Variants in PCDH15 observed in about 807,000 individuals in gnomAD.
PCDH15 encodes protocadherin related 15.
Under a neutral mutation model 178.5 loss-of-function variants are expected in PCDH15, and 129 were observed. That is an observed-to-expected ratio of 0.72 (90% confidence interval 0.63 to 0.84). The LOEUF is 0.84. Ranked by LOEUF, PCDH15 falls within the 40% of genes least tolerant of loss-of-function variation. The probability of loss-of-function intolerance (pLI) is 0.00; values close to 1 mark genes in which losing one functional copy is unlikely to be tolerated. For missense variants in PCDH15, 2,230 were observed against 2,099.9 expected (o/e 1.06, Z -1.21); for synonymous variants, 800 against 732.0 (o/e 1.09, Z -1.50).
chr10:54,446,084 A>G (rs936616922), intron 3 of PCDH15, among the ~76,000 whole-genome samples: 2 of 151,522 alleles, frequency 1.3e-5, no homozygotes, highest in African/African-American at 4.8e-5. Flanking sequence ...TTAAAAGTAA[A>G]AAGCCTTCAT....
intron 2 of PCDH15, among the ~76,000 whole-genome samples, chr10:55,118,610 A>G (rs997597352): frequency 5.9e-5 from 9 of 152,196 alleles, no homozygotes; most frequent in African/African-American, 2.2e-4. Context: ...GAGGTTGAAA[A>G]CCACCATTTT....
intron 8 of PCDH15, among the ~76,000 whole-genome samples, chr10:54,306,394 T>C (rs2060472021): frequency 6.6e-6 from 1 of 151,998 alleles, no homozygotes; most frequent in Non-Finnish European, 1.5e-5. Flanking sequence ...AACTGGCTCA[T>C]GTGATTGTGG....
chr10:55,545,518 C>T (rs1239823771), intron 2 of PCDH15, among the ~76,000 whole-genome samples: 1 of 151,518 alleles, frequency 6.6e-6, no homozygotes, highest in African/African-American at 2.4e-5. Context: ...TCAGGTGATC[C>T]GCCCGCCTCA....
chr10:54,668,478 T>A (rs1296648231), intron 1 of PCDH15, among the ~76,000 whole-genome samples: 2 of 152,124 alleles, frequency 1.3e-5, no homozygotes, highest in African/African-American at 2.4e-5. Context: ...CCTGACAGCA[T>A]CCTTGATGGT....
intron 2 of PCDH15, among the ~76,000 whole-genome samples, chr10:54,928,721 A>G (rs1372228148): frequency 6.6e-6 from 1 of 152,102 alleles, no homozygotes; most frequent in African/African-American, 2.4e-5. Context: ...CTATTCTGCT[A>G]CTAATATTTG....
At chr10:54,357,451 T>C (rs985678080) in intron 5 of PCDH15, among the ~76,000 whole-genome samples, 1 of 152,068 alleles carries the variant, frequency 6.6e-6, no homozygotes, top group African/African-American at 2.4e-5. Context: ...GAATCCAACT[T>C]ACAAGGGATG....
chr10:54,429,614 T>A (rs1956717160), intron 3 of PCDH15, among the ~76,000 whole-genome samples: 1 of 152,010 alleles, frequency 6.6e-6, no homozygotes, highest in Admixed American at 6.5e-5. Context: ...AAGACACACA[T>A]CGACTGAAAG....
chr10:54,065,040 G>A (rs1425781656), intron 18 of PCDH15, among the ~76,000 whole-genome samples: 1 of 152,118 alleles, frequency 6.6e-6, no homozygotes, highest in African/African-American at 2.4e-5. Flanking sequence ...CTCCAGATGG[G>A]CCACTGCTGC....
At chr10:53,874,793 CACTG>C (rs2080107748) in intron 26 of PCDH15, among the ~76,000 whole-genome samples, 1 of 151,626 alleles carries the variant, frequency 6.6e-6, no homozygotes, top group Non-Finnish European at 1.5e-5. Flanking sequence ...AATTAGTAGA[CACTG>C]AATATAAAGC....
chr10:55,621,449 C>T (rs2132171024), intron 2 of PCDH15, among the ~76,000 whole-genome samples: 1 of 152,314 alleles, frequency 6.6e-6, no homozygotes, highest in Middle Eastern at 3.4e-3. Flanking sequence ...TGTTCATGGC[C>T]TGTTAGGAAC....
chr10:53,911,761 G>A (rs1040619674), intron 25 of PCDH15, among the ~76,000 whole-genome samples: 5 of 152,122 alleles, frequency 3.3e-5, no homozygotes, highest in Non-Finnish European at 7.3e-5. Flanking sequence ...TTGAATCTCT[G>A]AATAGACCAA....
intron 18 of PCDH15, among the ~76,000 whole-genome samples, chr10:54,030,985 A>T (rs888801205): frequency 6.6e-6 from 1 of 152,056 alleles, no homozygotes; most frequent in African/African-American, 2.4e-5. Context: ...TATGAAGCTC[A>T]TGTGGTGCAA....
intron 2 of PCDH15, among the ~76,000 whole-genome samples, chr10:55,586,463 C>T (rs1842728917): frequency 6.6e-6 from 1 of 152,070 alleles, no homozygotes; most frequent in Non-Finnish European, 1.5e-5. Flanking sequence ...ATTTCAAGTA[C>T]TTAACTTTCT....
intron 3 of PCDH15, among the ~76,000 whole-genome samples, chr10:54,855,692 G>A (rs575269333): frequency 6.6e-6 from 1 of 152,246 alleles, no homozygotes; most frequent in East Asian, 1.9e-4. Flanking sequence ...AATTTAAAAT[G>A]TTATTCTAGG....
At chr10:55,441,660 C>T (rs1839188366) in intron 2 of PCDH15, among the ~76,000 whole-genome samples, 1 of 152,098 alleles carries the variant, frequency 6.6e-6, no homozygotes, top group African/African-American at 2.4e-5. Context: ...ATAATCCTAA[C>T]AACATTTTAA....
At chr10:54,509,505 T>G (rs1160438653) in intron 3 of PCDH15, among the ~76,000 whole-genome samples, 2 of 152,132 alleles carry the variant, frequency 1.3e-5, no homozygotes, top group Non-Finnish European at 2.9e-5. Flanking sequence ...TAGCAAGTAT[T>G]GATTGTACAG....
intron 1 of PCDH15, among the ~76,000 whole-genome samples, chr10:55,268,328 C>A (rs1013198180): frequency 6.6e-6 from 1 of 152,234 alleles, no homozygotes; most frequent in South Asian, 2.1e-4. Context: ...ACCAACCCCA[C>A]ATATGTACAC....
intron 23 of PCDH15, among the ~76,000 whole-genome samples, chr10:53,945,837 G>GTA (rs56389905): frequency 0.03 from 3,481 of 117,364 alleles, 83 homozygotes; most frequent in Non-Finnish European, 0.042. Context: ...ATATTTCATT[G>GTA]TATATATATA....
At chr10:55,062,282 C>G (rs1841452415) in intron 2 of PCDH15, among the ~76,000 whole-genome samples, 1 of 152,162 alleles carries the variant, frequency 6.6e-6, no homozygotes, top group Non-Finnish European at 1.5e-5. Context: ...AGAAAGTACT[C>G]TCTATGAATC....
Sources: allele counts gnomAD v4.1 joint callset (sites outside exome capture counted in the v4.1 genomes callset), GRCh38; gene constraint gnomAD v4.1.1; transcripts MANE v1.5; gene names NCBI Gene and HGNC (gene_info 2026-07-23, HGNC 2026-07-21).